The following KCTD8 variants were observed in gnomAD, a reference collection of about 807,000 sequenced individuals.
KCTD8 encodes the protein potassium channel tetramerization domain containing 8.
In KCTD8, 27 loss-of-function variants were observed where a neutral mutation model predicts 31.5. The observed-to-expected ratio is 0.86, with a 90% confidence interval of 0.63 to 1.18. The LOEUF (loss-of-function observed/expected upper bound fraction) is 1.18, where lower values mean the gene tolerates loss of function less well. Among genes scored for constraint, KCTD8 ranks in the 50% most tolerant of loss-of-function variants. The pLI is 0.00. For missense variants in KCTD8, 658 were observed against 647.7 expected, an observed-to-expected ratio of 1.02 and a Z score of -0.17; for synonymous variants, 290 against 280.0, an observed-to-expected ratio of 1.04 and a Z score of -0.36.
At chr4:44,446,433 G>A (rs1721938640) in intron 1 of KCTD8, among the ~76,000 whole-genome samples, 1 of 152,138 alleles carries the variant, frequency 6.6e-6, no homozygotes, top group Non-Finnish European at 1.5e-5. Flanking sequence ...TGTTCCTGCT[G>A]CCATCCCAGC....
intron 1 of KCTD8, among the ~76,000 whole-genome samples, chr4:44,407,422 T>C (rs1720827593): frequency 6.6e-6 from 1 of 151,618 alleles, no homozygotes; most frequent in Admixed American, 6.6e-5. Flanking sequence ...AGTTTCACTC[T>C]TGTTGCCCAG....
At chr4:44,419,258 A>G (rs1474611163) in intron 1 of KCTD8, among the ~76,000 whole-genome samples, 1 of 152,188 alleles carries the variant, frequency 6.6e-6, no homozygotes, top group East Asian at 1.9e-4. Flanking sequence ...GGCATCATCA[A>G]TATGTGAAAA....
intron 1 of KCTD8, among the ~76,000 whole-genome samples, chr4:44,295,910 T>C (rs575604737): frequency 6.6e-6 from 1 of 152,330 alleles, no homozygotes; most frequent in Admixed American, 6.5e-5. Context: ...AGCTTCTCTT[T>C]GTAAAATAGT....
intron 1 of KCTD8, among the ~76,000 whole-genome samples, chr4:44,439,246 A>G (rs1721756081): frequency 2.0e-5 from 3 of 152,180 alleles, no homozygotes; most frequent in Admixed American, 2.0e-4. Flanking sequence ...ATCAACCAAA[A>G]TAACAAAACT....
chr4:44,322,192 G>C (rs1403899259), intron 1 of KCTD8, among the ~76,000 whole-genome samples: 1 of 151,872 alleles, frequency 6.6e-6, no homozygotes, highest in Admixed American at 6.6e-5. Context: ...TTCCATAATG[G>C]CTATACCATT....
chr4:44,416,637 T>C (rs1721084036), intron 1 of KCTD8, among the ~76,000 whole-genome samples: 1 of 152,156 alleles, frequency 6.6e-6, no homozygotes, highest in Non-Finnish European at 1.5e-5. Flanking sequence ...GACATCCCCT[T>C]TCTTTCTCTG....
chr4:44,367,927 A>C (rs1719685398), intron 1 of KCTD8, among the ~76,000 whole-genome samples: 1 of 152,184 alleles, frequency 6.6e-6, no homozygotes, highest in African/African-American at 2.4e-5. Flanking sequence ...TTCTTCAAAA[A>C]ATCTTTTGTT....
intron 1 of KCTD8, among the ~76,000 whole-genome samples, chr4:44,445,148 T>C (rs1017795999): frequency 6.6e-6 from 1 of 152,188 alleles, no homozygotes; most frequent in Non-Finnish European, 1.5e-5. Flanking sequence ...CATTTTACAG[T>C]GTGTTTTCAT....
At chr4:44,419,490 T>C (rs9685545) in intron 1 of KCTD8, among the ~76,000 whole-genome samples, 128,460 of 152,148 alleles carry the variant, frequency 0.84, 54,425 homozygotes, top group South Asian at 0.9. Context: ...AGGAACCTTC[T>C]ATGGGGTACA....
intron 1 of KCTD8, among the ~76,000 whole-genome samples, chr4:44,206,978 T>G (rs1714334192): frequency 6.6e-6 from 1 of 152,190 alleles, no homozygotes; most frequent in Non-Finnish European, 1.5e-5. Context: ...TTGGGTCCTT[T>G]TAAGAGCTGA....
intron 1 of KCTD8, among the ~76,000 whole-genome samples, chr4:44,286,507 A>G (rs554152021): frequency 1.3e-5 from 2 of 152,212 alleles, no homozygotes; most frequent in East Asian, 3.9e-4. Flanking sequence ...CTCCAGCACT[A>G]CCACCACCTT....
chr4:44,385,531 T>C (rs940430181), intron 1 of KCTD8, among the ~76,000 whole-genome samples: 3 of 151,676 alleles, frequency 2.0e-5, no homozygotes, highest in Admixed American at 6.6e-5. Context: ...CTTTACCTTA[T>C]GTCACATATA....
intron 1 of KCTD8, among the ~76,000 whole-genome samples, chr4:44,411,651 G>T (rs1268191813): frequency 6.6e-6 from 1 of 152,072 alleles, no homozygotes; most frequent in African/African-American, 2.4e-5. Context: ...AAATAGGGTT[G>T]TAGAAATGGA....
At chr4:44,286,413 AC>A (rs545703923) in intron 1 of KCTD8, among the ~76,000 whole-genome samples, 7 of 152,208 alleles carry the variant, frequency 4.6e-5, no homozygotes, top group African/African-American at 7.2e-5. Context: ...TACTGTTTAA[AC>A]CCTTTATAAC....
At position 44,264,070 on chromosome 4, in the gene KCTD8, G is replaced by A. The variant is rs866033439; in HGVS notation, c.962-88820C>T. On this transcript the variant is annotated intron_variant, in intron 1 of 1. Coordinates refer to ENST00000360029, the MANE Select transcript of KCTD8 (RefSeq NM_198353.3). ...CATCTGTAAGATTCACATAATATCA[G>A]CTTCTATCTCAAGGAATAATTACAG... Among the ~76,000 whole-genome samples, 13 of 152,160 alleles carry A rather than the reference G, an allele frequency of 8.5e-5. No individual in the cohort carries two copies. The South Asian group carries it at 2.5e-3, about 29-fold the overall frequency.
At chr4:44,227,373 G>A (rs1379352810) in intron 1 of KCTD8, among the ~76,000 whole-genome samples, 2 of 152,076 alleles carry the variant, frequency 1.3e-5, no homozygotes, top group Non-Finnish European at 2.9e-5. Flanking sequence ...TATTTCTGAG[G>A]TCTCTGTTCT....
chr4:44,345,225 T>C (rs1013760184), intron 1 of KCTD8, among the ~76,000 whole-genome samples: 3 of 152,152 alleles, frequency 2.0e-5, no homozygotes, highest in Admixed American at 6.6e-5. Flanking sequence ...ATAGTAATTA[T>C]TTTTAACTTA....
chr4:44,272,917 G>T (rs1210944078), intron 1 of KCTD8, among the ~76,000 whole-genome samples: 1 of 151,992 alleles, frequency 6.6e-6, no homozygotes, highest in Admixed American at 6.6e-5. Flanking sequence ...TAGGGCCAGG[G>T]TTGTTGATAG....
chr4:44,221,088 T>A (rs1714793500), intron 1 of KCTD8, among the ~76,000 whole-genome samples: 1 of 152,172 alleles, frequency 6.6e-6, no homozygotes, highest in Non-Finnish European at 1.5e-5. Context: ...TCCTTGGAAT[T>A]CTACTAAACA....
Sources: gnomAD v4.1 joint callset for allele counts (sites outside exome capture counted in the v4.1 genomes callset) on GRCh38, gnomAD v4.1.1 for gene constraint, MANE v1.5 for transcripts, NCBI Gene and HGNC (gene_info 2026-07-23, HGNC 2026-07-21) for gene names.